The following EMSY variants were observed in gnomAD, a reference collection of about 807,000 sequenced individuals.
EMSY encodes the protein EMSY transcriptional repressor, BRCA2 interacting.
EMSY carries 26 observed loss-of-function variants against 134.6 expected under a neutral mutation model. The ratio of observed to expected loss-of-function variants is 0.19; its 90% confidence interval spans 0.14 to 0.27. The LOEUF (loss-of-function observed/expected upper bound fraction) is 0.27, where lower values mean the gene tolerates loss of function less well. Among genes scored for constraint, EMSY ranks in the 10% least tolerant of loss-of-function variants. EMSY has a pLI of 1.00. For synonymous variants in EMSY, 579 were observed against 577.8 expected (o/e 1.00, Z -0.03); for missense variants, 1,305 against 1,611.4 (o/e 0.81, Z 3.26).
chr11:76,535,961 T>C, exon 15 of EMSY: 2 of 1,604,934 alleles, frequency 1.2e-6, no homozygotes, highest in Non-Finnish European at 1.7e-6. Context: ...GAGATTGCAA[T>C]GGAGACTAGC....
intron 4 of EMSY, among the ~76,000 whole-genome samples, chr11:76,455,255 G>C (rs974567490): frequency 1.3e-5 from 2 of 151,780 alleles, no homozygotes; most frequent in African/African-American, 4.8e-5. Flanking sequence ...TTTGAAAAGA[G>C]TTTACTTCAG....
At chr11:76,473,849 G>T (rs529598527) in intron 8 of EMSY, among the ~76,000 whole-genome samples, 1 of 152,100 alleles carries the variant, frequency 6.6e-6, no homozygotes, top group East Asian at 1.9e-4. Context: ...ACAAAAATTA[G>T]CCGGGCATGG....
intron 20 of EMSY, among the ~76,000 whole-genome samples, chr11:76,548,498 A>C (rs563928532): frequency 1.3e-5 from 2 of 152,202 alleles, no homozygotes; most frequent in African/African-American, 4.8e-5. Context: ...AAGAGTCTAT[A>C]TATGTGGAAT....
intron 17 of EMSY, among the ~76,000 whole-genome samples, chr11:76,540,594 AGAAT>A (rs1437075954): frequency 6.6e-6 from 1 of 152,248 alleles, no homozygotes; most frequent in African/African-American, 2.4e-5. Context: ...GAATATAGAT[AGAAT>A]GTGTCATAAA....
chr11:76,467,985 A>C (rs967506938), intron 7 of EMSY, among the ~76,000 whole-genome samples: 3 of 151,458 alleles, frequency 2.0e-5, no homozygotes, highest in Admixed American at 1.3e-4. Context: ...ATCTCAAAAA[A>C]AAAAAACAAA....
intron 8 of EMSY, among the ~76,000 whole-genome samples, chr11:76,477,071 TA>T (rs1378023245): frequency 2.0e-4 from 31 of 152,050 alleles, no homozygotes; most frequent in Admixed American, 2.0e-4. Flanking sequence ...TAATGATTAA[TA>T]AAATTATACC....
chr11:76,535,928 G>A (rs773130620), exon 15 of EMSY: 3 of 1,558,998 alleles, frequency 1.9e-6, no homozygotes, highest in Non-Finnish European at 2.6e-6. Flanking sequence ...ATTGCTTCCC[G>A]GCGTCAGGAT....
rs753489283 is a variant in EMSY, at chr11:76,496,491, GATA to G, written c.1363+23_1363+25del. 1.1e-5 allele frequency: 18 copies of G among 1,611,946 alleles called. No individual in the cohort carries two copies. In the Admixed American group the frequency reaches 3.0e-4, roughly 27 times the overall value. On this transcript the variant is annotated intron_variant, in intron 9 of 20. Transcript: ENST00000334736. ...TCAGGTAACTGGAAAATGTTTATAAGATATGGTAATTCTTCTTTATTCACCAGT... is the reference window on the plus strand; with the variant it reads ...TCAGGTAACTGGAAAATGTTTATAAGTGGTAATTCTTCTTTATTCACCAGT...
chr11:76,514,423 T>C (rs1028519845), intron 10 of EMSY, among the ~76,000 whole-genome samples: 2 of 152,170 alleles, frequency 1.3e-5, no homozygotes, highest in Non-Finnish European at 2.9e-5. Context: ...CTGTCATTTA[T>C]TGGCCAGTGT....
intron 19 of EMSY, 68 bp downstream of exon 20, chr11:76,544,890 C>A: frequency 2.0e-6 from 3 of 1,491,950 alleles, no homozygotes; most frequent in Non-Finnish European, 2.7e-6. Context: ...GAGAACATCA[C>A]GACCCTATCA....
At chr11:76,549,840 C>T (rs1951783448) in intron 20 of EMSY, 112 bp from the exon 22 acceptor site, 3 of 935,716 alleles carry the variant, frequency 3.2e-6, no homozygotes, top group Non-Finnish European at 4.7e-6. Flanking sequence ...AGTAGTTGTC[C>T]AGTTGTCCAA....
Position 76,446,816 on chromosome 11 carries a change from C to G in EMSY, c.-39-84C>G, listed in dbSNP as rs1590755081. 1.6e-5 allele frequency: 13 copies of G among 787,980 alleles called. No homozygotes were observed. In the South Asian group the frequency reaches 2.1e-4, roughly 13 times the overall value. The allele number at this position is 787,980 out of a possible 1,614,324, so 48.8% of individuals were successfully genotyped here. On this transcript the variant is annotated intron_variant, in intron 1 of 20. Transcript: ENST00000334736. ...AATATCTTTTTGGTTTACTTCTTAGCCTGTGACTGGATCTCCAGGTGAGTG... is the reference window on the plus strand; with the variant it reads ...AATATCTTTTTGGTTTACTTCTTAGGCTGTGACTGGATCTCCAGGTGAGTG...
exon 13 of EMSY, chr11:76,526,564 G>A (rs755767445): frequency 6.2e-7 from 1 of 1,613,806 alleles, no homozygotes; most frequent in Non-Finnish European, 8.5e-7. Context: ...AAAAGGAATA[G>A]GTTCTACAGT....
At chr11:76,490,855 G>GTGT (rs1019049625) in intron 8 of EMSY, among the ~76,000 whole-genome samples, 100 of 148,682 alleles carry the variant, frequency 6.7e-4, no homozygotes, top group Admixed American at 1.1e-3. Flanking sequence ...ATTGCTAGGG[G>GTGT]GTGTGTGTGT....
At chr11:76,461,337 C>T (rs1392745138) in intron 6 of EMSY, among the ~76,000 whole-genome samples, 1 of 151,946 alleles carries the variant, frequency 6.6e-6, no homozygotes, top group East Asian at 1.9e-4. Flanking sequence ...CTTTGTCGGC[C>T]CTGTTTAAAT....
At chr11:76,483,714 A>G (rs1949070458) in intron 8 of EMSY, among the ~76,000 whole-genome samples, 1 of 152,236 alleles carries the variant, frequency 6.6e-6, no homozygotes, top group Non-Finnish European at 1.5e-5. Context: ...CTAAATATAT[A>G]TGCACCCAAT....
intron 8 of EMSY, 89 bp from the exon 10 acceptor site, chr11:76,496,126 C>T (rs891875160): frequency 1.4e-6 from 2 of 1,394,444 alleles, no homozygotes; most frequent in Non-Finnish European, 1.9e-6. Flanking sequence ...TTTCCCTATT[C>T]TTTAAACTAT....
chr11:76,488,889 A>G (rs1421680006), intron 8 of EMSY, among the ~76,000 whole-genome samples: 3 of 152,238 alleles, frequency 2.0e-5, no homozygotes, highest in Non-Finnish European at 2.9e-5. Flanking sequence ...TGTCAGAGAA[A>G]AAAGAGAGAA....
intron 20 of EMSY, 86 bp from the exon 22 acceptor site, chr11:76,549,865 CT>C (rs113464239): frequency 0.067 from 63,958 of 957,636 alleles, no homozygotes; most frequent in South Asian, 0.085. Context: ...TGTCAGTTTT[CT>C]TTTTTTTTTT....
Sources: gnomAD v4.1 joint callset for allele counts (sites outside exome capture counted in the v4.1 genomes callset) on GRCh38, gnomAD v4.1.1 for gene constraint, MANE v1.5 for transcripts, NCBI Gene and HGNC (gene_info 2026-07-23, HGNC 2026-07-21) for gene names.